DIP2C: variants seen among roughly 807,000 people sequenced by gnomAD.
The protein encoded by DIP2C is DIP2 acetate--CoA ligase C (putative).
A neutral mutation model predicts 192.4 loss-of-function variants in DIP2C; 33 were observed. The ratio of observed to expected loss-of-function variants is 0.17; its 90% CI spans 0.13 to 0.23. The LOEUF (loss-of-function observed/expected upper bound fraction) is 0.23. Among genes scored for constraint, DIP2C ranks in the 10% least tolerant of loss-of-function variants. The pLI is 1.00. For synonymous variants in DIP2C, 979 were observed against 864.1 expected (o/e 1.13, Z -2.33); for missense variants, 1,537 against 2,110.1 (o/e 0.73, Z 5.32).
chr10:632,147 A>G (rs1465267553), intron 1 of DIP2C, among the ~76,000 whole-genome samples: 1 of 152,266 alleles, frequency 6.6e-6, no homozygotes, highest in East Asian at 1.9e-4. Flanking sequence ...TTTTCAGAAG[A>G]GGCAAACGTG....
intron 2 of DIP2C, among the ~76,000 whole-genome samples, chr10:473,341 A>G (rs1307368961): frequency 2.6e-5 from 4 of 152,236 alleles, no homozygotes; most frequent in South Asian, 2.1e-4. Flanking sequence ...CACGGGAACA[A>G]TATCACCCCA....
chr10:365,177 T>C (rs576198526), intron 19 of DIP2C, among the ~76,000 whole-genome samples: 1 of 152,308 alleles, frequency 6.6e-6, no homozygotes, highest in African/African-American at 2.4e-5. Context: ...GAAAGTTGAA[T>C]TCACACTCAA....
chr10:323,871 C>T (rs915738330), intron 31 of DIP2C, among the ~76,000 whole-genome samples: 1 of 152,136 alleles, frequency 6.6e-6, no homozygotes, highest in African/African-American at 2.4e-5. Flanking sequence ...AGCCAGGGAG[C>T]GAGAGGTGGT....
chr10:382,519 A>G lies in DIP2C; in HGVS notation c.1991+128T>C. ...AGCACATAAAAACAGAAATAAACTCATCTTGAAAGGTTAGGTCCCGTTTTC... is the reference window on the plus strand; with the variant it reads ...AGCACATAAAAACAGAAATAAACTCGTCTTGAAAGGTTAGGTCCCGTTTTC... On this transcript the variant is annotated intron_variant, in intron 17 of 36. Coordinates refer to ENST00000280886, the MANE Select transcript of DIP2C (RefSeq NM_014974.3). The G allele has an allele frequency of 1.2e-5, 8 of 671,296 alleles. No individual in the cohort carries two copies. In the Admixed American group the frequency reaches 1.3e-4, roughly 11 times the overall value. 41.6% of individuals were successfully genotyped at this position (671,296 alleles called of 1,614,324 possible). A position where few individuals can be genotyped will look rare whatever the true frequency, so the allele number is the denominator to read the frequency against.
intron 1 of DIP2C, among the ~76,000 whole-genome samples, chr10:512,319 G>A (rs1004160830): frequency 6.6e-6 from 1 of 152,204 alleles, no homozygotes; most frequent in African/African-American, 2.4e-5. Context: ...AGCAGTTTGG[G>A]AGGCTGAGGC....
chr10:561,521 T>C (rs1849215979), intron 1 of DIP2C, among the ~76,000 whole-genome samples: 1 of 152,200 alleles, frequency 6.6e-6, no homozygotes, highest in Non-Finnish European at 1.5e-5. Flanking sequence ...CTTTTGGCTG[T>C]TGCTTCTCCC....
At chr10:533,596 G>A (rs1221325245) in intron 1 of DIP2C, among the ~76,000 whole-genome samples, 4 of 151,218 alleles carry the variant, frequency 2.6e-5, no homozygotes, top group Admixed American at 6.6e-5. Context: ...GAAAAGGTAG[G>A]GAACAGCTTA....
intron 1 of DIP2C, among the ~76,000 whole-genome samples, chr10:568,780 AAAAAAAAAAAAAAAAAAAC>A (rs1037067032): frequency 1.8e-4 from 26 of 145,616 alleles, no homozygotes; most frequent in Middle Eastern, 3.5e-3. Flanking sequence ...AAAAAAAAAA[AAAAAAAAAAAAAAAAAAAC>A]CTTCACTTGA....
At chr10:452,361 G>A (rs556473411) in intron 3 of DIP2C, among the ~76,000 whole-genome samples, 12 of 152,218 alleles carry the variant, frequency 7.9e-5, no homozygotes, top group South Asian at 2.1e-4. Context: ...CTTAGAGCGC[G>A]CACTAACCCC....
intron 1 of DIP2C, chr10:661,972 C>A: frequency 1.4e-6 from 1 of 706,476 alleles, no homozygotes; most frequent in Non-Finnish European, 2.6e-6. Flanking sequence ...CACTGAATCG[C>A]TCAGCTCACT....
intron 29 of DIP2C, among the ~76,000 whole-genome samples, chr10:333,990 G>A (rs141697236): frequency 1.7e-3 from 253 of 152,168 alleles, no homozygotes; most frequent in African/African-American, 5.9e-3. Flanking sequence ...TGTTTATGTT[G>A]CTTGTTTCTG....
chr10:483,553 C>T (rs182641469), intron 2 of DIP2C, among the ~76,000 whole-genome samples: 5 of 152,328 alleles, frequency 3.3e-5, no homozygotes, highest in Admixed American at 6.5e-5. Flanking sequence ...ATCAGGCGGC[C>T]CGGGCCGTCC....
At chr10:566,093 A>T (rs1311788378) in intron 1 of DIP2C, among the ~76,000 whole-genome samples, 1 of 152,254 alleles carries the variant, frequency 6.6e-6, no homozygotes, top group African/African-American at 2.4e-5. Context: ...ACACTGGGAC[A>T]TGCTCTAAGA....
chr10:284,449 C>G (rs2132155612), intron 34 of DIP2C, among the ~76,000 whole-genome samples: 1 of 152,348 alleles, frequency 6.6e-6, no homozygotes, highest in Middle Eastern at 3.4e-3. Context: ...CCATTTGCAA[C>G]AGCATGGATG....
At chr10:387,999 C>T (rs1317637357) in intron 13 of DIP2C, among the ~76,000 whole-genome samples, 190 bp from the exon 14 acceptor site, 1 of 152,178 alleles carries the variant, frequency 6.6e-6, no homozygotes, top group Non-Finnish European at 1.5e-5. Context: ...TGGAGTTTCT[C>T]GACAGATATC....
At chr10:437,408 C>T (rs765291704) in intron 4 of DIP2C, among the ~76,000 whole-genome samples, 2 of 151,868 alleles carry the variant, frequency 1.3e-5, no homozygotes, top group East Asian at 1.9e-4. Context: ...TGATATGCTC[C>T]GCCCACACCT....
chr10:665,771 C>T (rs1857052131), intron 1 of DIP2C: 1 of 152,198 alleles, frequency 6.6e-6, no homozygotes, highest in Admixed American at 6.5e-5. Context: ...CAAAACAAAA[C>T]ACATCAATCA....
chr10:309,915 C>T (rs1050049905), intron 32 of DIP2C, 116 bp downstream of exon 32: 2 of 1,002,544 alleles, frequency 2.0e-6, no homozygotes, highest in Non-Finnish European at 1.5e-6. Context: ...GAGACAGTTA[C>T]ACTCTGGGCA....
chr10:531,192 G>A (rs929863126), intron 1 of DIP2C, among the ~76,000 whole-genome samples: 4 of 152,060 alleles, frequency 2.6e-5, no homozygotes, highest in East Asian at 1.9e-4. Context: ...AACTCACTGC[G>A]TGTGTGCTGT....
Sources: gnomAD v4.1 joint callset for allele counts (sites outside exome capture counted in the v4.1 genomes callset) on GRCh38, gnomAD v4.1.1 for gene constraint, MANE v1.5 for transcripts, NCBI Gene and HGNC (gene_info 2026-07-23, HGNC 2026-07-21) for gene names.